ELAPOR1: variants seen among roughly 807,000 people sequenced by gnomAD.
The protein encoded by ELAPOR1 is endosome/lysosome-associated apoptosis and autophagy regulator 1.
Under a neutral mutation model 119.7 loss-of-function variants are expected in ELAPOR1, and 77 were observed. The ratio of observed to expected loss-of-function variants is 0.64; its 90% CI spans 0.54 to 0.78. ELAPOR1 has a LOEUF of 0.78. ELAPOR1 is among the 30% of genes least tolerant of loss of function. The pLI is 0.00. For synonymous variants in ELAPOR1, 481 were observed against 487.2 expected (o/e 0.99, Z 0.17); for missense variants, 1,115 against 1,270.4 (o/e 0.88, Z 1.86).
At chr1:109,194,616 G>A in intron 15 of ELAPOR1, 22 bp downstream of exon 15, 2 of 1,608,492 alleles carry the variant, frequency 1.2e-6, no homozygotes, top group Non-Finnish European at 8.5e-7. Context: ...CAGTTGACAG[G>A]GTGAAAATTG....
chr1:109,168,879 A>G (rs1651757656), intron 3 of ELAPOR1, among the ~76,000 whole-genome samples: 1 of 152,220 alleles, frequency 6.6e-6, no homozygotes, highest in Non-Finnish European at 1.5e-5. Context: ...GACACTAGAA[A>G]TCAATCAAAA....
chr1:109,173,938 G>A (rs1266611951), intron 7 of ELAPOR1, 101 bp downstream of exon 7: 2 of 1,298,962 alleles, frequency 1.5e-6, no homozygotes, highest in African/African-American at 1.5e-5. Context: ...CCAAGCTGAG[G>A]ATGGTAATTC....
intron 1 of ELAPOR1, among the ~76,000 whole-genome samples, chr1:109,147,026 C>G (rs959956956): frequency 6.6e-6 from 1 of 151,930 alleles, no homozygotes; most frequent in Admixed American, 6.6e-5. Flanking sequence ...CTGCCTCAGC[C>G]TCCGGAATAG....
Position 109,199,991 on chromosome 1 carries a change from C to G in ELAPOR1, c.2628+11C>G. 1.9e-6 allele frequency: 3 copies of G among 1,614,036 alleles called. No individual in the cohort carries two copies. The South Asian group carries it at 3.3e-5, about 18-fold the overall frequency. On this transcript the variant is annotated intron_variant, in intron 19 of 21. Coordinates refer to ENST00000369939, the MANE Select transcript of ELAPOR1 (RefSeq NM_020775.5). The stretch of plus-strand genomic sequence containing the variant: ...GTGGCTGGGATCCAGGTGGGTTTCC[C>G]TCTGATCGGGCACTTCCATGAGAGA...
intron 1 of ELAPOR1, among the ~76,000 whole-genome samples, chr1:109,161,271 G>A (rs925786898): frequency 6.6e-5 from 10 of 152,002 alleles, no homozygotes; most frequent in Non-Finnish European, 8.8e-5. Context: ...TTAGCCTGGC[G>A]TGGTGGCACT....
chr1:109,131,715 C>G (rs1649158500), intron 1 of ELAPOR1, among the ~76,000 whole-genome samples: 1 of 152,072 alleles, frequency 6.6e-6, no homozygotes, highest in South Asian at 2.1e-4. Flanking sequence ...GTTTGCAACT[C>G]TAAGAGGGAA....
In ELAPOR1 at chr1:109,192,603, G is replaced by A. The variant is rs774262283; in HGVS notation, c.1684-8G>A. ...CTCCCCTCTCCCCTCTTGTTTCCTT[G>A]TCTCCAGAGCAGGAAGTACACCAAT... On this transcript the variant is annotated splice_region_variant and splice_polypyrimidine_tract_variant and intron_variant, in intron 13 of 21. Coordinates refer to ENST00000369939, the MANE Select transcript of ELAPOR1 (RefSeq NM_020775.5). The A allele has an allele frequency of 8.1e-6, 13 of 1,613,316 alleles. No individual in the cohort carries two copies. The highest frequency in any genetic ancestry group is 1.1e-5 in the Non-Finnish European group (13 of 1,179,538).
At chr1:109,197,147 A>G (rs1264461075) in intron 15 of ELAPOR1, among the ~76,000 whole-genome samples, 1 of 151,858 alleles carries the variant, frequency 6.6e-6, no homozygotes, top group Non-Finnish European at 1.5e-5. Flanking sequence ...ACGAAAAAAA[A>G]AAAAAAAAAT....
intron 7 of ELAPOR1, among the ~76,000 whole-genome samples, chr1:109,183,546 T>TTC (rs1457222886): frequency 3.8e-4 from 57 of 150,816 alleles, no homozygotes; most frequent in Non-Finnish European, 2.2e-4. Flanking sequence ...CTTCTTTCTT[T>TTC]CTTTTCCTTC....
At chr1:109,153,606 C>A (rs1650668717) in intron 1 of ELAPOR1, among the ~76,000 whole-genome samples, 1 of 147,264 alleles carries the variant, frequency 6.8e-6, no homozygotes, top group South Asian at 2.3e-4. Flanking sequence ...GTTTGGTGGA[C>A]TTGTGGCAGG....
At chr1:109,119,814 G>A (rs1327223720) in intron 1 of ELAPOR1, among the ~76,000 whole-genome samples, 3 of 152,128 alleles carry the variant, frequency 2.0e-5, no homozygotes, top group Non-Finnish European at 2.9e-5. Context: ...GCAGGTACAC[G>A]TTTCTTGAAG....
intron 1 of ELAPOR1, among the ~76,000 whole-genome samples, chr1:109,141,730 A>G (rs895197792): frequency 8.6e-5 from 13 of 151,828 alleles, no homozygotes; most frequent in African/African-American, 2.9e-4. Context: ...CAATGACGCA[A>G]TCATGGCTCA....
intron 1 of ELAPOR1, among the ~76,000 whole-genome samples, chr1:109,126,361 C>T (rs1648779074): frequency 6.6e-6 from 1 of 152,112 alleles, no homozygotes; most frequent in African/African-American, 2.4e-5. Flanking sequence ...GTGGCTCACC[C>T]CTGTAATCCC....
At position 109,189,074 on chromosome 1, in the gene ELAPOR1, C is replaced by T. The variant is rs749212312; in HGVS notation, c.1228C>T (p.Arg410Cys). 83 of 1,613,594 alleles carry T rather than the reference C, an allele frequency of 5.1e-5. No individual in the cohort carries two copies. The highest frequency in any genetic ancestry group is 6.4e-5 in the Non-Finnish European group (76 of 1,179,904). The change falls in exon 10 of 22, where the codon CGC (arginine) becomes TGC (cysteine). Residue 410 changes from arginine to cysteine, a missense_variant. By Grantham distance (180) the Arg-to-Cys change is radical (BLOSUM62 -3). Transcript: ENST00000369939. ...TGTTTGTGGTTCCCCAGACTGTACC[C>T]GCTGCCCTGCAGGGACTGAACCTGC... ...GSYSNGSDCT[R>C]CPAGTEPAVG...
Position 109,203,050 on chromosome 1 carries a change from T to A in ELAPOR1, c.*38T>A. 6 of 1,443,728 alleles carry A rather than the reference T, an allele frequency of 4.2e-6. No homozygotes were observed. The highest frequency in any genetic ancestry group is 5.8e-6 in the Non-Finnish European group (6 of 1,031,002). The allele number at this position is 1,443,728 out of a possible 1,614,324, so 89.4% of individuals were successfully genotyped here. A position where few individuals can be genotyped will look rare whatever the true frequency, so the allele number is the denominator to read the frequency against. ...GCCTCACCTGCCTCCTCACCTTGCA[T>A]AGCACCTTTGCAAGCCTGCGGCGAT... On this transcript the variant is annotated 3_prime_UTR_variant, in exon 22 of 22. Coordinates refer to ENST00000369939, the MANE Select transcript of ELAPOR1 (RefSeq NM_020775.5).
At chr1:109,183,027 C>T (rs948523244) in intron 7 of ELAPOR1, among the ~76,000 whole-genome samples, 3 of 152,102 alleles carry the variant, frequency 2.0e-5, no homozygotes, top group African/African-American at 7.2e-5. Flanking sequence ...GTAATGTGCA[C>T]CTCATAAAGC....
Position 109,200,187 on chromosome 1 carries a change from T to C in ELAPOR1, c.2757T>C (p.Thr919=), listed in dbSNP as rs978744101. 2 of 1,614,244 alleles carry C rather than the reference T, an allele frequency of 1.2e-6. No homozygotes were observed. The highest frequency in any genetic ancestry group is 2.2e-5 in the South Asian group (2 of 91,082). Residue 919 remains threonine, a synonymous_variant, in exon 20 of 22, where the codon ACT becomes ACC. Transcript: ENST00000369939. ...TGGGCATCTCTGCAGGCACCTGTAC[T>C]GCCATCCTGCTCACCGTCTTGACCT... ...LKVGISAGTC[T]AILLTVLTCY... is the part of the protein sequence containing the mutation.
In ELAPOR1 at chr1:109,200,918, T is replaced by G. The variant is rs1023364966; in HGVS notation, c.2973+18T>G. The G allele has an allele frequency of 1.7e-5, 27 of 1,608,170 alleles. No individual in the cohort carries two copies. Among genetic ancestry groups the G allele is most frequent in the Non-Finnish European group, 2.0e-5 (23 of 1,176,558 alleles). On this transcript the variant is annotated intron_variant, in intron 21 of 21. Transcript: ENST00000369939. ...CCTCCAAGGTAGGGGTCCTGGCCAG[T>G]GCACTGAGGTCAGCCTGGAGGGCTG... is the stretch of plus-strand genomic sequence containing the variant.
rs370050540 is a variant in ELAPOR1, at chr1:109,203,007, C to T, written c.3037C>T (p.Leu1013=). The T allele has an allele frequency of 4.3e-6, 7 of 1,610,366 alleles. No individual in the cohort carries two copies. The highest frequency in any genetic ancestry group is 5.9e-6 in the Non-Finnish European group (7 of 1,177,242). ...ATCCTCAGGAGGCCTAGACATGGAC[C>T]TGTGAGAGGCACTGCCTGCCTCACC... ...KTSSGGLDMD[L] is the part of the protein sequence containing the mutation. The change falls in exon 22 of 22, where the codon CTG becomes TTG. Residue 1013 remains leucine, a synonymous_variant. Coordinates refer to ENST00000369939, the MANE Select transcript of ELAPOR1 (RefSeq NM_020775.5).
Sources: allele counts gnomAD v4.1 joint callset (sites outside exome capture counted in the v4.1 genomes callset), GRCh38; gene constraint gnomAD v4.1.1; transcripts MANE v1.5; gene names NCBI Gene and HGNC (gene_info 2026-07-23, HGNC 2026-07-21).